The following ESR1 variants were observed in gnomAD, a reference collection of about 807,000 sequenced individuals.
ESR1 encodes estrogen receptor.
In ESR1, 12 loss-of-function variants were observed where a neutral mutation model predicts 52.7. The observed-to-expected ratio is 0.23, with a 90% CI of 0.15 to 0.37. The LOEUF (loss-of-function observed/expected upper bound fraction) is 0.37. Ranked by LOEUF, ESR1 falls within the 10% of genes least tolerant of loss-of-function variation. The pLI, the probability that ESR1 is intolerant of heterozygous loss-of-function variation, is 1.00. For missense variants in ESR1, 584 were observed against 779.7 expected (o/e 0.75, Z 2.99); for synonymous variants, 305 against 316.8 (o/e 0.96, Z 0.39).
chr6:151,667,578 G>A (rs538781059), intron 1 of ESR1, among the ~76,000 whole-genome samples: 2 of 152,192 alleles, frequency 1.3e-5, no homozygotes, highest in Non-Finnish European at 1.5e-5. Context: ...AAGAAGACAG[G>A]GATGTTGCTT....
chr6:151,710,858 T>A (rs1021138787), intron 2 of ESR1, among the ~76,000 whole-genome samples: 5 of 152,202 alleles, frequency 3.3e-5, no homozygotes, highest in South Asian at 2.1e-4. Flanking sequence ...GCTTCATCCA[T>A]GTCCCTACAA....
At chr6:151,999,520 T>G (rs902645264) in intron 4 of ESR1, among the ~76,000 whole-genome samples, 1 of 152,152 alleles carries the variant, frequency 6.6e-6, no homozygotes. Context: ...TAATAATACT[T>G]TCTTAGCTCT....
intron 2 of ESR1, among the ~76,000 whole-genome samples, chr6:151,866,795 C>G: frequency 6.6e-6 from 1 of 152,118 alleles, no homozygotes; most frequent in East Asian, 1.9e-4. Flanking sequence ...CATACGTGTG[C>G]GTGTGTTTTT....
At position 152,003,338 on chromosome 6, in the gene ESR1, T is replaced by TTGTG. The variant is rs529797103; in HGVS notation, c.1097-8317_1097-8316insGTGT. Among the ~76,000 whole-genome samples, 89 of 128,690 alleles carry TTGTG rather than the reference T, an allele frequency of 6.9e-4. 2 individuals are homozygous for TTGTG. The South Asian group carries it at 8.3e-3, about 12-fold the overall frequency. 84.4% of individuals were successfully genotyped at this position (128,690 alleles called of 152,430 possible). On this transcript the variant is annotated intron_variant, in intron 4 of 7. Coordinates refer to ENST00000206249, the MANE Select transcript of ESR1 (RefSeq NM_000125.4). ...GTTAAATGGAGGGAAAAAAGGGTAA[T>TTGTG]TATGTGTGTGTGTGTGTGTGTGTGT...
chr6:151,778,688 G>A (rs1786247743), intron 2 of ESR1, among the ~76,000 whole-genome samples: 1 of 152,044 alleles, frequency 6.6e-6, no homozygotes, highest in African/African-American at 2.4e-5. Flanking sequence ...TTACAGGTGT[G>A]AGCCACCATA....
At chr6:152,037,125 G>A (rs751921561) in intron 5 of ESR1, among the ~76,000 whole-genome samples, 1 of 152,156 alleles carries the variant, frequency 6.6e-6, no homozygotes, top group Non-Finnish European at 1.5e-5. Flanking sequence ...TGGTAAATTA[G>A]AGCAATAGCA....
At chr6:152,067,632 C>G (rs866922744) in intron 6 of ESR1, among the ~76,000 whole-genome samples, 7 of 152,218 alleles carry the variant, frequency 4.6e-5, no homozygotes, top group South Asian at 2.1e-4. Context: ...TCCAGAACAG[C>G]CTGGCCAACA....
intron 6 of ESR1, among the ~76,000 whole-genome samples, chr6:152,071,300 T>G (rs2048335525): frequency 6.6e-6 from 1 of 152,250 alleles, no homozygotes; most frequent in Non-Finnish European, 1.5e-5. Flanking sequence ...TTATGAAATT[T>G]ACAGAAACAA....
chr6:151,879,718 T>A (rs551781711), intron 2 of ESR1, among the ~76,000 whole-genome samples: 1 of 152,286 alleles, frequency 6.6e-6, no homozygotes, highest in East Asian at 1.9e-4. Flanking sequence ...TTGGATGTGG[T>A]GGGTTCCATG....
At chr6:151,752,544 T>G (rs1199161862) in intron 2 of ESR1, among the ~76,000 whole-genome samples, 1 of 151,632 alleles carries the variant, frequency 6.6e-6, no homozygotes, top group Non-Finnish European at 1.5e-5. Context: ...TTCTGCAAAG[T>G]GTTTTCACCA....
intron 1 of ESR1, chr6:151,809,357 T>C: frequency 3.8e-6 from 1 of 266,390 alleles, no homozygotes; most frequent in Non-Finnish European, 8.2e-6. Context: ...TTGCCCAGTT[T>C]CTCCTTTTGT....
At chr6:151,997,936 G>A (rs1325549598) in intron 4 of ESR1, among the ~76,000 whole-genome samples, 2 of 151,532 alleles carry the variant, frequency 1.3e-5, no homozygotes, top group Non-Finnish European at 2.9e-5. Flanking sequence ...TGTCCCCAAA[G>A]CTTTCAGAAG....
chr6:151,808,407 G>C (rs1426460064), intron 1 of ESR1, 43 bp downstream of exon 1: 7 of 1,257,392 alleles, frequency 5.6e-6, no homozygotes, highest in Non-Finnish European at 7.5e-6. Flanking sequence ...CGCCGCGCCC[G>C]GCAGGAGGGA....
At position 151,807,908 on chromosome 6, in the gene ESR1, G is replaced by GGACCAT; in HGVS notation, c.7_12dup. On this transcript the variant is annotated 5_prime_UTR_variant, in exon 1 of 8. It adds an upstream start codon to the 5' untranslated region. Coordinates refer to ENST00000206249, the MANE Select transcript of ESR1 (RefSeq NM_000125.4). ...CGGTCTGCACCCTGCCCGCGGCCAC[G>GGACCAT]GACCATGACCATGACCCTCCACACC... 1.9e-6 allele frequency: 3 copies of GGACCAT among 1,613,300 alleles called. No homozygotes were observed. Among genetic ancestry groups the GGACCAT allele is most frequent in the Admixed American group, 1.7e-5 (1 of 60,016 alleles).
intron 3 of ESR1, among the ~76,000 whole-genome samples, chr6:151,924,234 G>A (rs1036688406): frequency 2.0e-5 from 3 of 152,024 alleles, no homozygotes; most frequent in South Asian, 2.1e-4. Flanking sequence ...GTAGAGATGG[G>A]GTTTCACCAT....
intron 1 of ESR1, among the ~76,000 whole-genome samples, chr6:151,684,163 G>A (rs1778563705): frequency 6.6e-6 from 1 of 152,098 alleles, no homozygotes; most frequent in Admixed American, 6.6e-5. Flanking sequence ...TCAGAGAAGG[G>A]TAGAATAGGA....
chr6:151,801,271 C>T (rs1248566017), upstream of ESR1, among the ~76,000 whole-genome samples: 1 of 152,098 alleles, frequency 6.6e-6, no homozygotes, highest in Non-Finnish European at 1.5e-5. Context: ...TTGTATCACT[C>T]ATGGCACTTA....
chr6:151,778,269 T>C (rs1274329400), intron 2 of ESR1, among the ~76,000 whole-genome samples: 1 of 151,400 alleles, frequency 6.6e-6, no homozygotes, highest in African/African-American at 2.4e-5. Context: ...GTTCAATGGG[T>C]ACAACATTTC....
intron 4 of ESR1, among the ~76,000 whole-genome samples, chr6:151,956,782 C>G (rs1275311733): frequency 3.4e-5 from 5 of 145,008 alleles, no homozygotes; most frequent in Non-Finnish European, 6.0e-5. Context: ...AAATACATGT[C>G]TGTATACATA....
Sources: allele counts gnomAD v4.1 joint callset (sites outside exome capture counted in the v4.1 genomes callset), GRCh38; gene constraint gnomAD v4.1.1; transcripts MANE v1.5; gene names NCBI Gene and HGNC (gene_info 2026-07-23, HGNC 2026-07-21).